Variants in PRKCB observed in about 807,000 individuals in gnomAD.
PRKCB encodes the protein protein kinase C beta, also known as protein kinase C beta type.
PRKCB carries 13 observed loss-of-function variants against 81.5 expected under a neutral mutation model. That is an observed-to-expected ratio of 0.16 (90% CI 0.10 to 0.25). The LOEUF (loss-of-function observed/expected upper bound fraction) is 0.25, where lower values mean the gene tolerates loss of function less well. PRKCB is among the 10% of genes least tolerant of loss of function. PRKCB has a pLI of 1.00. For missense variants in PRKCB, 509 were observed against 875.7 expected (o/e 0.58, Z 5.29); for synonymous variants, 335 against 321.4 (o/e 1.04, Z -0.45).
intron 10 of PRKCB, among the ~76,000 whole-genome samples, chr16:24,166,737 A>T (rs1967353190): frequency 6.6e-6 from 1 of 152,196 alleles, no homozygotes; most frequent in Admixed American, 6.5e-5. Context: ...CCTGGCATAG[A>T]GTGGGCATCA....
chr16:24,094,913 CAGGA>C (rs1287844217), intron 7 of PRKCB, among the ~76,000 whole-genome samples: 5 of 144,500 alleles, frequency 3.5e-5, no homozygotes, highest in South Asian at 2.2e-4. Flanking sequence ...AGACGGAAAG[CAGGA>C]AGGAAGGAAG....
At chr16:23,853,512 C>G (rs1231664437) in intron 2 of PRKCB, among the ~76,000 whole-genome samples, 1 of 152,196 alleles carries the variant, frequency 6.6e-6, no homozygotes, top group Non-Finnish European at 1.5e-5. Flanking sequence ...TCGACTAGCT[C>G]TATGTCCAGG....
chr16:23,852,803 T>A (rs1962497237), intron 2 of PRKCB, among the ~76,000 whole-genome samples: 1 of 152,230 alleles, frequency 6.6e-6, no homozygotes. Flanking sequence ...TTTCATCTGT[T>A]CCTGAACTTA....
chr16:24,085,577 A>T (rs1966302064), intron 5 of PRKCB, among the ~76,000 whole-genome samples: 1 of 152,178 alleles, frequency 6.6e-6, no homozygotes, highest in Non-Finnish European at 1.5e-5. Context: ...TTCTAAATTG[A>T]GGTTGCTCTG....
chr16:24,127,291 C>T (rs1473536206), intron 9 of PRKCB, among the ~76,000 whole-genome samples: 1 of 152,082 alleles, frequency 6.6e-6, no homozygotes, highest in Non-Finnish European at 1.5e-5. Flanking sequence ...CAGGTGTGAG[C>T]CACCACGCCC....
chr16:24,080,107 G>T (rs561847428), intron 5 of PRKCB, among the ~76,000 whole-genome samples: 2 of 152,104 alleles, frequency 1.3e-5, no homozygotes, highest in Non-Finnish European at 2.9e-5. Flanking sequence ...GATCACTTTG[G>T]TGGGGGAGTG....
chr16:24,111,788 G>A (rs759947859), intron 7 of PRKCB, among the ~76,000 whole-genome samples: 16 of 151,944 alleles, frequency 1.1e-4, no homozygotes, highest in Non-Finnish European at 2.1e-4. Flanking sequence ...ACAGAACAAG[G>A]CCCTGTCTCT....
At chr16:24,023,489 C>T (rs1195613058) in intron 3 of PRKCB, among the ~76,000 whole-genome samples, 1 of 152,210 alleles carries the variant, frequency 6.6e-6, no homozygotes, top group Non-Finnish European at 1.5e-5. Context: ...CTGCCTCAGC[C>T]TCCTGAATAG....
At chr16:24,020,976 TTTTCTTTCTTTC>T (rs59486748) in intron 3 of PRKCB, among the ~76,000 whole-genome samples, 569 of 96,634 alleles carry the variant, frequency 5.9e-3, no homozygotes, top group Non-Finnish European at 8.0e-3. Flanking sequence ...AGACTTTTCT[TTTTCTTTCTTTC>T]TTTCTTTCTT....
intron 2 of PRKCB, among the ~76,000 whole-genome samples, chr16:23,977,262 C>T (rs184774750): frequency 6.6e-6 from 1 of 152,292 alleles, no homozygotes; most frequent in South Asian, 2.1e-4. Flanking sequence ...GGAACAGACC[C>T]TCCCAGATGT....
intron 5 of PRKCB, among the ~76,000 whole-genome samples, chr16:24,087,358 C>T (rs73546480): frequency 0.049 from 7,510 of 152,240 alleles, 641 homozygotes; most frequent in African/African-American, 0.17. Context: ...CCAATGTTAT[C>T]GGCATGGGCA....
intron 10 of PRKCB, among the ~76,000 whole-genome samples, chr16:24,163,219 T>C (rs59794232): frequency 0.031 from 4,713 of 152,254 alleles, 258 homozygotes; most frequent in African/African-American, 0.11. Flanking sequence ...TAATTGGTGC[T>C]CATGCCAGGT....
chr16:23,945,865 A>C (rs1017987593), intron 2 of PRKCB, among the ~76,000 whole-genome samples: 3 of 152,154 alleles, frequency 2.0e-5, no homozygotes, highest in Non-Finnish European at 4.4e-5. Flanking sequence ...ATGTGCCATC[A>C]CTGAACACAG....
At chr16:24,036,795 G>C (rs1286243000) in intron 5 of PRKCB, among the ~76,000 whole-genome samples, 1 of 152,166 alleles carries the variant, frequency 6.6e-6, no homozygotes, top group African/African-American at 2.4e-5. Context: ...AGGGAAGCCA[G>C]TTTTCCCCAC....
chr16:23,938,541 T>C (rs1246670366), intron 2 of PRKCB, among the ~76,000 whole-genome samples: 1 of 152,200 alleles, frequency 6.6e-6, no homozygotes, highest in Non-Finnish European at 1.5e-5. Flanking sequence ...TGAGTAGCTA[T>C]ATGGTGTAAA....
intron 9 of PRKCB, among the ~76,000 whole-genome samples, chr16:24,150,873 T>C (rs899563612): frequency 5.9e-5 from 9 of 152,228 alleles, no homozygotes; most frequent in Non-Finnish European, 8.8e-5. Flanking sequence ...TGCTATGCCT[T>C]ATGCATGCCC....
intron 2 of PRKCB, among the ~76,000 whole-genome samples, chr16:23,908,155 A>G (rs915096471): frequency 2.0e-5 from 3 of 151,888 alleles, no homozygotes; most frequent in Admixed American, 6.6e-5. Context: ...CACAGAGAGG[A>G]GCTGGCTGAG....
chr16:24,029,358 G>A lies in PRKCB; in HGVS notation c.289-2778G>A, dbSNP rs189295260. On this transcript the variant is annotated intron_variant, in intron 3 of 16. Transcript: ENST00000643927. ...TTTCCCCCATGCTGTTCTCATGATA[G>A]CGAGTGAGTTCTCACACGATCTGAT... is the stretch of plus-strand genomic sequence containing the variant. Among the ~76,000 whole-genome samples the A allele has an allele frequency of 6.6e-5, 10 of 152,304 alleles. 1 individual carries two copies. In the East Asian group the frequency reaches 1.7e-3, roughly 26 times the overall value.
chr16:23,902,732 C>CCCTCCCTTCCTT (rs1175142476), intron 2 of PRKCB, among the ~76,000 whole-genome samples: 4 of 11,112 alleles, frequency 3.6e-4, no homozygotes, highest in African/African-American at 1.4e-3. Context: ...CTCCCTTCCT[C>CCCTCCCTTCCTT]CCTTCCTTCC....
Sources: allele counts gnomAD v4.1 joint callset (sites outside exome capture counted in the v4.1 genomes callset), GRCh38; gene constraint gnomAD v4.1.1; transcripts MANE v1.5; gene names NCBI Gene and HGNC (gene_info 2026-07-23, HGNC 2026-07-21).